The following RASAL2 variants were observed in gnomAD, a reference collection of about 807,000 sequenced individuals.
RASAL2 encodes ras GTPase-activating protein nGAP.
In RASAL2, 58 loss-of-function variants were observed where a neutral mutation model predicts 128.9. The ratio of observed to expected loss-of-function variants is 0.45; its 90% CI spans 0.36 to 0.56. RASAL2 has a LOEUF of 0.56. RASAL2 is among the 20% of genes least tolerant of loss of function. The probability of loss-of-function intolerance (pLI) is 0.00; values close to 1 mark genes in which losing one functional copy is unlikely to be tolerated. For synonymous variants in RASAL2, 561 were observed against 580.8 expected (o/e 0.97, Z 0.49); for missense variants, 1,360 against 1,601.6 (o/e 0.85, Z 2.57).
At chr1:178,193,288 G>C (rs1662550752) in intron 1 of RASAL2, among the ~76,000 whole-genome samples, 2 of 152,072 alleles carry the variant, frequency 1.3e-5, no homozygotes. Flanking sequence ...TAGGATAAAC[G>C]CAAGTCAGGT....
intron 1 of RASAL2, among the ~76,000 whole-genome samples, chr1:178,221,453 T>G (rs1558122944): frequency 6.6e-6 from 1 of 152,216 alleles, no homozygotes; most frequent in African/African-American, 2.4e-5. Flanking sequence ...CAAATTCTGA[T>G]AAGTTATATC....
At chr1:178,222,717 T>C (rs1193036433) in intron 1 of RASAL2, among the ~76,000 whole-genome samples, 1 of 152,112 alleles carries the variant, frequency 6.6e-6, no homozygotes, top group Non-Finnish European at 1.5e-5. Flanking sequence ...GGATATCTCT[T>C]TATGCTTTAA....
At chr1:178,438,140 GT>G (rs1572072882) in intron 5 of RASAL2, among the ~76,000 whole-genome samples, 1 of 147,802 alleles carries the variant, frequency 6.8e-6, no homozygotes, top group Admixed American at 6.8e-5. Flanking sequence ...GTGTGTGTGT[GT>G]GTGGAAAGAA....
intron 1 of RASAL2, among the ~76,000 whole-genome samples, chr1:178,104,514 G>C (rs1659019362): frequency 6.6e-6 from 1 of 152,088 alleles, no homozygotes. Flanking sequence ...ACTTCTGAAT[G>C]TTTTCTTATG....
At chr1:178,467,967 T>A (rs1262935738) in intron 17 of RASAL2, among the ~76,000 whole-genome samples, 2 of 152,212 alleles carry the variant, frequency 1.3e-5, no homozygotes, top group East Asian at 3.8e-4. Flanking sequence ...GTTGGTGCTG[T>A]GCTTAGAGAG....
At chr1:178,221,892 T>G (rs534659011) in intron 1 of RASAL2, among the ~76,000 whole-genome samples, 1 of 152,342 alleles carries the variant, frequency 6.6e-6, no homozygotes, top group Non-Finnish European at 1.5e-5. Flanking sequence ...ATTCATGTAT[T>G]TCTCGTTGGC....
At chr1:178,424,241 G>A (rs1004244395) in intron 5 of RASAL2, among the ~76,000 whole-genome samples, 7 of 140,262 alleles carry the variant, frequency 5.0e-5, no homozygotes, top group African/African-American at 1.3e-4. Flanking sequence ...GGTTTTTTTT[G>A]TTTGTTTGTT....
chr1:178,159,880 G>C (rs1317573908), intron 1 of RASAL2, among the ~76,000 whole-genome samples: 3 of 152,016 alleles, frequency 2.0e-5, no homozygotes, highest in East Asian at 1.9e-4. Flanking sequence ...ACTCCTGCCT[G>C]GGCGACAGAG....
At chr1:178,208,779 T>C (rs1663151821) in intron 1 of RASAL2, among the ~76,000 whole-genome samples, 1 of 152,152 alleles carries the variant, frequency 6.6e-6, no homozygotes, top group East Asian at 1.9e-4. Flanking sequence ...AAACTCTTAA[T>C]AAAAAACTTG....
intron 17 of RASAL2, among the ~76,000 whole-genome samples, chr1:178,468,131 G>T (rs1040356768): frequency 1.7e-4 from 26 of 152,220 alleles, no homozygotes; most frequent in Non-Finnish European, 1.5e-4. Context: ...AATCCAGGAG[G>T]CAAGAAGTGT....
chr1:178,333,721 G>A (rs1483109459), intron 3 of RASAL2, among the ~76,000 whole-genome samples: 1 of 152,196 alleles, frequency 6.6e-6, no homozygotes, highest in Non-Finnish European at 1.5e-5. Context: ...TTACAAAATA[G>A]TGTATAATCA....
intron 4 of RASAL2, among the ~76,000 whole-genome samples, chr1:178,410,810 C>G (rs1051603935): frequency 4.6e-5 from 7 of 152,038 alleles, no homozygotes; most frequent in Admixed American, 3.3e-4. Flanking sequence ...CAAATCAAAA[C>G]CACAATGAGA....
chr1:178,167,437 GTTAC>G (rs1052587509), intron 1 of RASAL2, among the ~76,000 whole-genome samples: 13 of 152,052 alleles, frequency 8.5e-5, no homozygotes, highest in African/African-American at 2.9e-4. Context: ...TAAAATTTCA[GTTAC>G]TTAATAGAGA....
At chr1:178,109,272 TG>T (rs1451776993) in intron 1 of RASAL2, among the ~76,000 whole-genome samples, 1 of 152,130 alleles carries the variant, frequency 6.6e-6, no homozygotes, top group Non-Finnish European at 1.5e-5. Context: ...TTTTTTGTTT[TG>T]TTTTTTTTTC....
chr1:178,252,519 T>C (rs1055857902), intron 1 of RASAL2, among the ~76,000 whole-genome samples: 1 of 152,148 alleles, frequency 6.6e-6, no homozygotes, highest in Non-Finnish European at 1.5e-5. Flanking sequence ...AGGCTGATGG[T>C]GTGATGCTTT....
intron 4 of RASAL2, among the ~76,000 whole-genome samples, chr1:178,403,632 A>T (rs529147671): frequency 3.9e-5 from 6 of 152,196 alleles, no homozygotes; most frequent in Non-Finnish European, 8.8e-5. Flanking sequence ...CATGTGGAAA[A>T]AGATAATATT....
chr1:178,343,740 T>C (rs1392893853), intron 3 of RASAL2, among the ~76,000 whole-genome samples: 1 of 152,196 alleles, frequency 6.6e-6, no homozygotes, highest in Non-Finnish European at 1.5e-5. Context: ...AACACACTTC[T>C]TTTTTAATTC....
chr1:178,261,739 AC>A (rs1665703394), intron 1 of RASAL2, among the ~76,000 whole-genome samples: 1 of 151,292 alleles, frequency 6.6e-6, no homozygotes, highest in African/African-American at 2.4e-5. Context: ...AGATGGTGAA[AC>A]CCCGTCTCTA....
intron 1 of RASAL2, among the ~76,000 whole-genome samples, chr1:178,186,199 A>G (rs1219611072): frequency 6.6e-6 from 1 of 150,590 alleles, no homozygotes; most frequent in Admixed American, 6.6e-5. Context: ...CATAACGTCC[A>G]TGTGATCAGT....
Sources: gnomAD v4.1 joint callset for allele counts (sites outside exome capture counted in the v4.1 genomes callset) on GRCh38, gnomAD v4.1.1 for gene constraint, MANE v1.5 for transcripts, NCBI Gene and HGNC (gene_info 2026-07-23, HGNC 2026-07-21) for gene names.